The following FMN1 variants were observed in gnomAD, a reference collection of about 807,000 sequenced individuals.
FMN1 encodes the protein formin 1, also known as formin-1.
In FMN1, 110 loss-of-function variants were observed where a neutral mutation model predicts 132.4. The observed-to-expected ratio is 0.83, with a 90% CI of 0.71 to 0.97. FMN1 has a LOEUF of 0.97. Among genes scored for constraint, FMN1 ranks in the 50% least tolerant of loss-of-function variants. FMN1 has a pLI of 0.00. For missense variants in FMN1, 1,792 were observed against 1,705.3 expected (o/e 1.05, Z -0.90); for synonymous variants, 722 against 651.7 (o/e 1.11, Z -1.64).
chr15:32,989,186 C>T (rs1293726022), intron 7 of FMN1, among the ~76,000 whole-genome samples: 2 of 152,134 alleles, frequency 1.3e-5, no homozygotes, highest in Non-Finnish European at 2.9e-5. Context: ...TAGACTAATG[C>T]ATTACTGTGA....
intron 6 of FMN1, among the ~76,000 whole-genome samples, chr15:33,016,987 TAATA>T (rs946350112): frequency 3.3e-5 from 5 of 152,214 alleles, no homozygotes; most frequent in Non-Finnish European, 7.3e-5. Context: ...CTTATGTGAA[TAATA>T]AATCTTTTCA....
At position 33,004,738 on chromosome 15, in the gene FMN1, C is replaced by G. The variant is rs188810738; in HGVS notation, c.2223+3276G>C. On this transcript the variant is annotated intron_variant, in intron 7 of 20. Transcript: ENST00000616417. ...ATGCTGCTATAAAGACACATGCACA[C>G]CTATGTTTATTGTGGCACTATTCAC... is the stretch of plus-strand genomic sequence containing the variant. Among the ~76,000 whole-genome samples, 19 of 152,258 alleles carry G rather than the reference C, an allele frequency of 1.2e-4. No homozygotes were observed. The East Asian group carries it at 3.7e-3, about 29-fold the overall frequency.
chr15:33,089,468 C>CA (rs1207329719), intron 4 of FMN1, among the ~76,000 whole-genome samples: 2 of 152,204 alleles, frequency 1.3e-5, no homozygotes, highest in African/African-American at 4.8e-5. Flanking sequence ...GTGAGTAGTG[C>CA]ATGAGAAACC....
intron 9 of FMN1, among the ~76,000 whole-genome samples, chr15:32,934,446 T>A (rs2061206067): frequency 6.6e-6 from 1 of 152,188 alleles, no homozygotes; most frequent in South Asian, 2.1e-4. Context: ...CGCTTTCATA[T>A]GCTTTTGTGT....
chr15:32,951,424 GACACACACAC>G (rs3081377), intron 9 of FMN1, among the ~76,000 whole-genome samples: 68 of 149,044 alleles, frequency 4.6e-4, no homozygotes, highest in Admixed American at 1.5e-3. Flanking sequence ...GCCCCAGTGG[GACACACACAC>G]ACACACACAC....
At chr15:33,015,715 A>G (rs868017718) in intron 6 of FMN1, among the ~76,000 whole-genome samples, 1 of 151,934 alleles carries the variant, frequency 6.6e-6, no homozygotes, top group Non-Finnish European at 1.5e-5. Context: ...TAAAAAAAAA[A>G]ATCATTCCTC....
At chr15:32,996,792 T>C (rs569602428) in intron 7 of FMN1, among the ~76,000 whole-genome samples, 2 of 152,236 alleles carry the variant, frequency 1.3e-5, no homozygotes, top group Non-Finnish European at 2.9e-5. Context: ...TTGGAGTTGT[T>C]AGAAGCAGCA....
At chr15:33,181,109 C>T (rs974876734) in intron 2 of FMN1, among the ~76,000 whole-genome samples, 12 of 152,128 alleles carry the variant, frequency 7.9e-5, no homozygotes, top group African/African-American at 2.9e-4. Flanking sequence ...TCCGTGTGGT[C>T]AGGCCCCTGT....
At chr15:33,089,008 G>C in intron 4 of FMN1, 34 bp from the exon 5 acceptor site, 2 of 1,502,322 alleles carry the variant, frequency 1.3e-6, no homozygotes, top group Non-Finnish European at 1.8e-6. Context: ...TCAGTGACAT[G>C]GCAGCCAAAT....
intron 14 of FMN1, chr15:32,899,669 C>T (rs1256253526): frequency 5.4e-6 from 2 of 369,032 alleles, no homozygotes; most frequent in South Asian, 3.5e-5. Flanking sequence ...TTTGCAGGAT[C>T]CTGGTACTGT....
intron 15 of FMN1, among the ~76,000 whole-genome samples, chr15:32,893,485 C>G (rs1479343146): frequency 6.6e-6 from 1 of 152,256 alleles, no homozygotes; most frequent in Non-Finnish European, 1.5e-5. Flanking sequence ...AGGCATGACT[C>G]TACATGGGTT....
Position 32,964,092 on chromosome 15 carries a change from A to G in FMN1, c.3138+15T>C, listed in dbSNP as rs376790178. The G allele has an allele frequency of 3.1e-5, 50 of 1,597,900 alleles. No individual in the cohort carries two copies. In the African/African-American group the frequency reaches 6.3e-4, roughly 20 times the overall value. On this transcript the variant is annotated intron_variant, in intron 9 of 20. Coordinates refer to ENST00000616417, the MANE Select transcript of FMN1 (RefSeq NM_001277313.2). The stretch of plus-strand genomic sequence containing the variant: ...TATAATATATAATTACAGCTTTGCC[A>G]TAATCACTCAGTACCTTTTTGACCT...
chr15:33,085,009 A>C (rs2038633267), intron 5 of FMN1, among the ~76,000 whole-genome samples: 1 of 152,246 alleles, frequency 6.6e-6, no homozygotes, highest in South Asian at 2.1e-4. Flanking sequence ...CCAATGTCTC[A>C]GGCTGATCAA....
chr15:32,864,106 T>A (rs1182347834), intron 16 of FMN1, among the ~76,000 whole-genome samples: 1 of 152,232 alleles, frequency 6.6e-6, no homozygotes, highest in African/African-American at 2.4e-5. Flanking sequence ...GGCTATCTAC[T>A]GTACACACTT....
In FMN1 at chr15:32,951,463, G is replaced by A. The variant is rs923151338; in HGVS notation, c.3138+12644C>T. On this transcript the variant is annotated intron_variant, in intron 9 of 20. Coordinates refer to ENST00000616417, the MANE Select transcript of FMN1 (RefSeq NM_001277313.2). ...CACACACACACACACACACATCCAC[G>A]CACACACAAATAGGGGAAATGGATT... Among the ~76,000 whole-genome samples the A allele has an allele frequency of 8.7e-5, 13 of 149,194 alleles. No homozygotes were observed. The South Asian group carries it at 1.5e-3, about 17-fold the overall frequency.
At chr15:33,001,015 G>A (rs1425966879) in intron 7 of FMN1, among the ~76,000 whole-genome samples, 1 of 152,176 alleles carries the variant, frequency 6.6e-6, no homozygotes, top group African/African-American at 2.4e-5. Flanking sequence ...AGGCACAGTG[G>A]CTCATGCCTG....
At chr15:33,120,327 T>C (rs901076262) in intron 4 of FMN1, among the ~76,000 whole-genome samples, 1 of 152,184 alleles carries the variant, frequency 6.6e-6, no homozygotes, top group Non-Finnish European at 1.5e-5. Context: ...TTTATTCTCC[T>C]TGCTGACCCT....
At position 32,828,993 on chromosome 15, in the gene FMN1, T is replaced by C. The variant is rs140002036; in HGVS notation, c.3929-24661A>G. On this transcript the variant is annotated intron_variant, in intron 17 of 20. Coordinates refer to ENST00000616417, the MANE Select transcript of FMN1 (RefSeq NM_001277313.2). ...GTATATTTGCTACACATCGAATGTT[T>C]TGTCATCCCCTAGAGGAAAGACACT... Among the ~76,000 whole-genome samples the C allele has an allele frequency of 1.3e-4, 20 of 152,302 alleles. No individual in the cohort carries two copies. In the East Asian group the frequency reaches 3.5e-3, roughly 26 times the overall value.
At chr15:32,961,848 C>T (rs752517890) in intron 9 of FMN1, among the ~76,000 whole-genome samples, 1 of 152,160 alleles carries the variant, frequency 6.6e-6, no homozygotes, top group African/African-American at 2.4e-5. Context: ...AGGTGTGATT[C>T]GTCCTCATGG....
Sources: allele counts gnomAD v4.1 joint callset (sites outside exome capture counted in the v4.1 genomes callset), GRCh38; gene constraint gnomAD v4.1.1; transcripts MANE v1.5; gene names NCBI Gene and HGNC (gene_info 2026-07-23, HGNC 2026-07-21).